Variants in PCDHAC1 observed in about 807,000 individuals in gnomAD.
PCDHAC1 encodes protocadherin alpha-C1.
In PCDHAC1, 42 loss-of-function variants were observed where a neutral mutation model predicts 60.0. That is an observed-to-expected ratio of 0.70 (90% CI 0.55 to 0.90). The LOEUF (loss-of-function observed/expected upper bound fraction) is 0.90. Ranked by LOEUF, PCDHAC1 falls within the 40% of genes least tolerant of loss-of-function variation. The probability of loss-of-function intolerance (pLI) is 0.00; values close to 1 mark genes in which losing one functional copy is unlikely to be tolerated. For synonymous variants in PCDHAC1, 468 were observed against 499.3 expected (o/e 0.94, Z 0.84); for missense variants, 1,160 against 1,222.3 (o/e 0.95, Z 0.76).
Position 140,927,062 on chromosome 5 carries a change from T to C in PCDHAC1, c.170T>C (p.Phe57Ser). Residue 57 changes from phenylalanine (F) to serine (S), a missense_variant, in exon 1 of 4, where the codon TTC (phenylalanine) becomes TCC (serine). Transcript: ENST00000253807. ...GCTATGTCCTCGCGGAACTTTCGCT[T>C]CCTTTCCAGCCACCGCGAGCTCTAC... ...AAAMSSRNFR[F>S]LSSHRELYFG... 1 of 1,611,326 alleles carries C rather than the reference T, an allele frequency of 6.2e-7. No individual in the cohort carries two copies. The highest frequency in any genetic ancestry group is 8.5e-7 in the Non-Finnish European group (1 of 1,178,110).
intron 1 of PCDHAC1, among the ~76,000 whole-genome samples, chr5:140,952,159 G>T (rs1226707673): frequency 2.0e-5 from 3 of 152,056 alleles, no homozygotes; most frequent in African/African-American, 7.2e-5. Context: ...TGGCTTTGTG[G>T]GGTTCAGTTC....
intron 1 of PCDHAC1, among the ~76,000 whole-genome samples, chr5:140,960,222 A>G (rs1364451029): frequency 2.6e-5 from 4 of 152,206 alleles, no homozygotes; most frequent in African/African-American, 9.6e-5. Flanking sequence ...ATCTCAAGAA[A>G]CAGAGCCATG....
intron 1 of PCDHAC1, among the ~76,000 whole-genome samples, chr5:140,953,061 G>A (rs919542084): frequency 2.0e-5 from 3 of 152,064 alleles, no homozygotes; most frequent in African/African-American, 7.2e-5. Flanking sequence ...CCTCTCACAG[G>A]CCCCATCTCC....
At chr5:141,006,678 T>C (rs1554260866) in intron 3 of PCDHAC1, among the ~76,000 whole-genome samples, 1 of 151,754 alleles carries the variant, frequency 6.6e-6, no homozygotes, top group Non-Finnish European at 1.5e-5. Flanking sequence ...GCAGTGAAAA[T>C]TGGGAGAAGA....
In PCDHAC1 at chr5:141,011,714, C is replaced by G. The variant is rs2098421596; in HGVS notation, c.*1777C>G. On this transcript the variant is annotated 3_prime_UTR_variant, in exon 4 of 4. Transcript: ENST00000253807. ...TTTTGGAATGAATACTGACAATATT[C>G]CATGAGGGTGTGCAAGCACAAATTT... 1 of 153,650 alleles carries G rather than the reference C, an allele frequency of 6.5e-6. No individual in the cohort carries two copies. Among genetic ancestry groups the G allele is most frequent in the South Asian group, 2.1e-4 (1 of 4,822 alleles). 9.5% of individuals were successfully genotyped at this position (153,650 alleles called of 1,614,324 possible).
chr5:140,981,504 G>A (rs1435264364), intron 2 of PCDHAC1, among the ~76,000 whole-genome samples: 1 of 152,182 alleles, frequency 6.6e-6, no homozygotes, highest in African/African-American at 2.4e-5. Flanking sequence ...AACCTGGGAG[G>A]CAGAGGTTGC....
rs782325865 is a variant in PCDHAC1 at position 140,929,001 on chromosome 5, G to A, written c.2109G>A (p.Val703=). The A allele has an allele frequency of 6.2e-7, 1 of 1,613,996 alleles. No individual in the cohort carries two copies. The highest frequency in any genetic ancestry group is 2.2e-5 in the East Asian group (1 of 44,874). The stretch of plus-strand genomic sequence containing the variant: ...TTCTGGGGTGCTTACTTTTCTTCGT[G>A]TGTACCAAGTTGCACCAGAGCCCAG... ...FLFLGCLLFF[V]CTKLHQSPGC... Residue 703 remains valine, a synonymous_variant, in exon 1 of 4, where the codon GTG becomes GTA. Transcript: ENST00000253807.
intron 3 of PCDHAC1, among the ~76,000 whole-genome samples, chr5:140,998,872 T>C (rs1159101161): frequency 6.6e-6 from 1 of 152,202 alleles, no homozygotes; most frequent in African/African-American, 2.4e-5. Flanking sequence ...TTGTAAATAA[T>C]AAGTTTAGTT....
rs2098416049 is a variant in PCDHAC1, at chr5:141,010,101, T to G, written c.*164T>G. The G allele has an allele frequency of 6.2e-6, 10 of 1,612,488 alleles. No homozygotes were observed. Among genetic ancestry groups the G allele is most frequent in the Non-Finnish European group, 8.5e-6 (10 of 1,179,154 alleles). ...GTCTGTCTAGAACGCATTTAACAGG[T>G]TTTGTCGTAAAAGCTTTACTAAGTC... On this transcript the variant is annotated 3_prime_UTR_variant, in exon 4 of 4. Transcript: ENST00000253807.
At chr5:140,962,564 G>A (rs1224952009) in intron 1 of PCDHAC1, among the ~76,000 whole-genome samples, 2 of 152,124 alleles carry the variant, frequency 1.3e-5, no homozygotes, top group Non-Finnish European at 2.9e-5. Context: ...CCCCCTAAAA[G>A]CCAATTGTTA....
At chr5:140,941,247 C>CT (rs1398354432) in intron 1 of PCDHAC1, among the ~76,000 whole-genome samples, 1 of 128,506 alleles carries the variant, frequency 7.8e-6, no homozygotes, top group African/African-American at 2.9e-5. Context: ...TTCTTTCTTT[C>CT]TTTCTTTCTC....
intron 2 of PCDHAC1, among the ~76,000 whole-genome samples, chr5:140,981,687 A>ATCATTCATTCAT (rs200213847): frequency 1.1e-4 from 17 of 151,972 alleles, no homozygotes; most frequent in African/African-American, 4.1e-4. Context: ...CCTCCCTTCC[A>ATCATTCATTCAT]TCATTCATTC....
chr5:140,979,573 G>T lies in PCDHAC1; in HGVS notation c.2492+566G>T, dbSNP rs558232107. Among the ~76,000 whole-genome samples, 224 of 152,236 alleles carry T rather than the reference G, an allele frequency of 1.5e-3. 1 individual carries two copies. Among genetic ancestry groups the T allele is most frequent in the African/African-American group, 5.2e-3 (215 of 41,538 alleles). On this transcript the variant is annotated intron_variant, in intron 2 of 3. Transcript: ENST00000253807. ...CTTCAGAAGATGAGCCATGTAAAGG[G>T]CTCCAAATCTAGCTTACTTTAAATT...
chr5:140,928,319 AG>A lies in PCDHAC1; in HGVS notation c.1428del (p.Asn477MetfsTer49). 6.2e-7 allele frequency: 1 copy of A among 1,614,200 alleles called. No homozygotes were observed. On this transcript the variant is annotated frameshift_variant, in exon 1 of 4. Transcript: ENST00000253807. LOFTEE classifies it high-confidence loss of function. ...TTTGCCCAGGACCCCGACCTGGGGA[AG>A]AATGGCCTTGTCTCTTATGAGCTGT... is the stretch of plus-strand genomic sequence containing the variant. ...RVFAQDPDLG[K>X]NGLVSYELLD...
chr5:140,972,978 A>G (rs1392208477), intron 1 of PCDHAC1, among the ~76,000 whole-genome samples: 1 of 152,058 alleles, frequency 6.6e-6, no homozygotes, highest in African/African-American at 2.4e-5. Flanking sequence ...ACCAAATCTT[A>G]AGGTAGATTC....
chr5:140,997,971 G>A (rs2097791982), intron 3 of PCDHAC1, among the ~76,000 whole-genome samples: 3 of 152,086 alleles, frequency 2.0e-5, no homozygotes, highest in Admixed American at 2.0e-4. Context: ...CCTGTGGTTG[G>A]ACTGCACTTG....
Position 140,978,948 on chromosome 5 carries a change from G to A in PCDHAC1, c.2434-1G>A, listed in dbSNP as rs1554239939. On this transcript the variant is annotated splice_acceptor_variant, in intron 1 of 3. Transcript: ENST00000253807. LOFTEE classifies it high-confidence loss of function. ...AGAAAACTCTCTTTGTGATTTTGCA[G>A]CCACGACAGCCCAACCCTGACTGGC... is the stretch of plus-strand genomic sequence containing the variant. 1 of 1,614,128 alleles carries A rather than the reference G, an allele frequency of 6.2e-7. No individual in the cohort carries two copies. The highest frequency in any genetic ancestry group is 8.5e-7 in the Non-Finnish European group (1 of 1,180,018).
At chr5:140,943,070 A>G (rs2093413648) in intron 1 of PCDHAC1, among the ~76,000 whole-genome samples, 2 of 152,004 alleles carry the variant, frequency 1.3e-5, no homozygotes, top group Non-Finnish European at 2.9e-5. Context: ...CAGCCTGACC[A>G]ACATGGTGAA....
chr5:140,946,335 G>A lies in PCDHAC1; in HGVS notation c.2433+17010G>A, dbSNP rs555314202. ...ATTATTGAAAGAGGAAAGATAACAA[G>A]TGATGGAGAGGATGTGGAGAAAAGG... On this transcript the variant is annotated intron_variant, in intron 1 of 3. Transcript: ENST00000253807. Among the ~76,000 whole-genome samples, 250 of 151,944 alleles carry A rather than the reference G, an allele frequency of 1.6e-3. 2 individuals are homozygous for A. The highest frequency in any genetic ancestry group is 2.8e-3 in the Non-Finnish European group (188 of 67,814).
Sources: gnomAD v4.1 joint callset for allele counts (sites outside exome capture counted in the v4.1 genomes callset) on GRCh38, gnomAD v4.1.1 for gene constraint, MANE v1.5 for transcripts, NCBI Gene and HGNC (gene_info 2026-07-23, HGNC 2026-07-21) for gene names.